Variants in RYR2 observed in about 807,000 individuals in gnomAD.
RYR2 encodes cardiac muscle ryanodine receptor-calcium release channel.
Under a neutral mutation model 601.1 loss-of-function variants are expected in RYR2, and 227 were observed. The observed-to-expected ratio is 0.38, with a 90% CI of 0.34 to 0.42. The LOEUF (loss-of-function observed/expected upper bound fraction) is 0.42. Among genes scored for constraint, RYR2 ranks in the 10% least tolerant of loss-of-function variants. RYR2 has a pLI of 1.00. For synonymous variants in RYR2, 2,223 were observed against 2,175.1 expected (o/e 1.02, Z -0.61); for missense variants, 4,646 against 6,156.5 (o/e 0.75, Z 8.21).
intron 33 of RYR2, among the ~76,000 whole-genome samples, chr1:237,594,386 C>T (rs1209451439): frequency 6.6e-6 from 1 of 152,092 alleles, no homozygotes; most frequent in East Asian, 1.9e-4. Flanking sequence ...CTTTCCTGCC[C>T]TCGGGTTGTA....
chr1:237,375,062 T>A (rs915038772), intron 7 of RYR2, among the ~76,000 whole-genome samples: 2 of 152,200 alleles, frequency 1.3e-5, no homozygotes, highest in African/African-American at 2.4e-5. Flanking sequence ...ACTACATGAT[T>A]TACTGGGTGT....
chr1:237,626,580 CTTTTTTTTTTTTTTT>C (rs60885998), intron 40 of RYR2, among the ~76,000 whole-genome samples: 110 of 40,074 alleles, frequency 2.7e-3, no homozygotes, highest in Non-Finnish European at 4.0e-3. Context: ...TTTTCTTTTT[CTTTTTTTTTTTTTTT>C]TTTTTTTTTT....
At chr1:237,487,460 A>G (rs1662808732) in intron 17 of RYR2, among the ~76,000 whole-genome samples, 1 of 150,808 alleles carries the variant, frequency 6.6e-6, no homozygotes, top group South Asian at 2.1e-4. Context: ...TCTCGCAACT[A>G]TAATTTCAGC....
At chr1:237,459,706 C>A (rs1325941441) in intron 16 of RYR2, among the ~76,000 whole-genome samples, 1 of 152,148 alleles carries the variant, frequency 6.6e-6, no homozygotes, top group Non-Finnish European at 1.5e-5. Context: ...CCTCCCTTTA[C>A]CTCCACAGAG....
At chr1:237,795,868 A>G (rs60503078) in intron 96 of RYR2, among the ~76,000 whole-genome samples, 6 of 109,294 alleles carry the variant, frequency 5.5e-5, no homozygotes, top group South Asian at 6.3e-4. Flanking sequence ...ATATATATAT[A>G]TATATACACA....
intron 24 of RYR2, 138 bp from the exon 25 acceptor site, chr1:237,530,289 C>A: frequency 3.5e-6 from 2 of 578,886 alleles, no homozygotes; most frequent in Admixed American, 2.9e-5. Context: ...CCAGCCTGGG[C>A]GACAGAGCGA....
intron 1 of RYR2, among the ~76,000 whole-genome samples, chr1:237,222,497 C>T (rs147520871): frequency 1.3e-5 from 2 of 151,922 alleles, no homozygotes; most frequent in African/African-American, 2.4e-5. Flanking sequence ...AATGTTATGG[C>T]TCTTCAAACA....
At chr1:237,123,825 G>A (rs1243777641) in intron 1 of RYR2, among the ~76,000 whole-genome samples, 6 of 151,504 alleles carry the variant, frequency 4.0e-5, no homozygotes, top group Non-Finnish European at 8.8e-5. Context: ...CCGCCACCGC[G>A]CCCGGCTAAT....
At chr1:237,768,763 A>G (rs1279855402) in intron 84 of RYR2, among the ~76,000 whole-genome samples, 2 of 152,158 alleles carry the variant, frequency 1.3e-5, no homozygotes, top group East Asian at 3.9e-4. Flanking sequence ...CAATGGCAGC[A>G]TTTTAATCAG....
At chr1:237,387,241 C>G in intron 8 of RYR2, 40 bp from the exon 9 acceptor site, 1 of 1,574,110 alleles carries the variant, frequency 6.4e-7, no homozygotes, top group Non-Finnish European at 8.7e-7. Flanking sequence ...TACAGCTTAC[C>G]AGAGCCTGAA....
chr1:237,601,349 C>T (rs1019874287), intron 34 of RYR2, among the ~76,000 whole-genome samples: 2 of 152,106 alleles, frequency 1.3e-5, no homozygotes, highest in Non-Finnish European at 1.5e-5. Flanking sequence ...AAAAATACTG[C>T]ATTGCCCACT....
At chr1:237,387,879 A>G (rs1383489551) in intron 9 of RYR2, among the ~76,000 whole-genome samples, 1 of 152,234 alleles carries the variant, frequency 6.6e-6, no homozygotes, top group Admixed American at 6.5e-5. Flanking sequence ...TCATGCTTTT[A>G]GTGGGAATAT....
At chr1:237,526,048 G>A (rs892754911) in intron 24 of RYR2, among the ~76,000 whole-genome samples, 2 of 151,954 alleles carry the variant, frequency 1.3e-5, no homozygotes, top group African/African-American at 4.8e-5. Flanking sequence ...TTGTGGGATT[G>A]CAGGGCTGAA....
At chr1:237,197,019 T>C (rs990592971) in intron 1 of RYR2, among the ~76,000 whole-genome samples, 1 of 152,216 alleles carries the variant, frequency 6.6e-6, no homozygotes, top group Admixed American at 6.5e-5. Flanking sequence ...GTCATTTTTT[T>C]CTTGCTGTTG....
intron 24 of RYR2, among the ~76,000 whole-genome samples, chr1:237,526,249 T>C (rs1228613906): frequency 1.3e-5 from 2 of 152,244 alleles, no homozygotes; most frequent in African/African-American, 4.8e-5. Context: ...TACATTTTTC[T>C]GATGATTGGT....
chr1:237,099,151 T>C (rs1667807636), intron 1 of RYR2, among the ~76,000 whole-genome samples: 1 of 151,572 alleles, frequency 6.6e-6, no homozygotes, highest in Admixed American at 6.6e-5. Context: ...ACATATAACA[T>C]TTAAGTTAAT....
chr1:237,303,491 G>T (rs1459650414), intron 2 of RYR2, among the ~76,000 whole-genome samples: 1 of 151,520 alleles, frequency 6.6e-6, no homozygotes, highest in Non-Finnish European at 1.5e-5. Context: ...GTAGAGACGG[G>T]GTTTCACCAT....
chr1:237,326,558 G>A (rs1471300431), intron 2 of RYR2, among the ~76,000 whole-genome samples: 4 of 152,166 alleles, frequency 2.6e-5, no homozygotes, highest in African/African-American at 9.7e-5. Flanking sequence ...GCAGTTTTTG[G>A]TTTTGTGTTC....
intron 1 of RYR2, among the ~76,000 whole-genome samples, chr1:237,129,541 G>T (rs1671924221): frequency 6.6e-6 from 1 of 152,054 alleles, no homozygotes; most frequent in South Asian, 2.1e-4. Context: ...TGAAGAGTCT[G>T]CAGGAATGCA....
Sources: gnomAD v4.1 joint callset for allele counts (sites outside exome capture counted in the v4.1 genomes callset) on GRCh38, gnomAD v4.1.1 for gene constraint, MANE v1.5 for transcripts, NCBI Gene and HGNC (gene_info 2026-07-23, HGNC 2026-07-21) for gene names.